The following SLC44A5 variants were observed in gnomAD, a reference collection of about 807,000 sequenced individuals.
The protein encoded by SLC44A5 is solute carrier family 44 member 5.
A neutral mutation model predicts 101.8 loss-of-function variants in SLC44A5; 57 were observed. The observed-to-expected ratio is 0.56, with a 90% CI of 0.45 to 0.70. The LOEUF (loss-of-function observed/expected upper bound fraction) is 0.70. Among genes scored for constraint, SLC44A5 ranks in the 30% least tolerant of loss-of-function variants. The pLI, the probability that SLC44A5 is intolerant of heterozygous loss-of-function variation, is 0.00. For synonymous variants in SLC44A5, 281 were observed against 290.9 expected, an observed-to-expected ratio of 0.97 and a Z score of 0.35; for missense variants, 737 against 853.1, an observed-to-expected ratio of 0.86 and a Z score of 1.70.
At chr1:75,517,321 G>A (rs915778348) in intron 2 of SLC44A5, among the ~76,000 whole-genome samples, 5 of 152,060 alleles carry the variant, frequency 3.3e-5, no homozygotes, top group Non-Finnish European at 7.4e-5. Flanking sequence ...GGGAGGGAGA[G>A]AGAGAGAAAG....
intron 1 of SLC44A5, among the ~76,000 whole-genome samples, chr1:75,597,596 A>G (rs546988635): frequency 6.6e-6 from 1 of 152,336 alleles, no homozygotes; most frequent in African/African-American, 2.4e-5. Flanking sequence ...TTACAAAAAC[A>G]GACACATAGA....
intron 2 of SLC44A5, among the ~76,000 whole-genome samples, chr1:75,430,509 T>C (rs578025632): frequency 6.6e-6 from 1 of 152,330 alleles, no homozygotes; most frequent in South Asian, 2.1e-4. Context: ...GAAAAATGCA[T>C]ATGTTTCCTT....
rs1052346427 is a variant in SLC44A5 at position 75,570,334 on chromosome 1, G to A, written c.-69-28818C>T. Among the ~76,000 whole-genome samples the A allele has an allele frequency of 2.6e-5, 4 of 152,192 alleles. No individual in the cohort carries two copies. The South Asian group carries it at 8.3e-4, about 31-fold the overall frequency. On this transcript the variant is annotated intron_variant, in intron 1 of 23. Transcript: ENST00000370859. ...TGAATTTGAAAGACAAAATACTGAT[G>A]GAAGATTTATGACTGAGAAGTGAAC...
At chr1:75,403,951 C>T (rs141877280) in intron 2 of SLC44A5, among the ~76,000 whole-genome samples, 3 of 151,840 alleles carry the variant, frequency 2.0e-5, no homozygotes, top group African/African-American at 7.2e-5. Flanking sequence ...AAGAACCTTG[C>T]AAAAAAGTTA....
intron 3 of SLC44A5, among the ~76,000 whole-genome samples, chr1:75,354,308 C>G (rs1416248929): frequency 2.0e-5 from 3 of 152,172 alleles, no homozygotes; most frequent in Non-Finnish European, 4.4e-5. Context: ...CCCCAAACTT[C>G]TTGATTGGTG....
the SLC44A5 span, among the ~76,000 whole-genome samples, chr1:75,698,621 T>C: frequency 6.6e-6 from 1 of 152,196 alleles, no homozygotes; most frequent in East Asian, 1.9e-4. Flanking sequence ...GGAACGCAGT[T>C]CCTCACCAGC....
chr1:75,236,548 G>A (rs17096504), intron 11 of SLC44A5, among the ~76,000 whole-genome samples: 13,052 of 151,872 alleles, frequency 0.086, 741 homozygotes, highest in African/African-American at 0.15. Flanking sequence ...CAATCATTAC[G>A]TGGAAGGGAT....
chr1:75,680,178 C>T, the SLC44A5 span, among the ~76,000 whole-genome samples: 1 of 152,014 alleles, frequency 6.6e-6, no homozygotes, highest in Non-Finnish European at 1.5e-5. Flanking sequence ...CTTTAACACC[C>T]CACTGTCAAC....
the SLC44A5 span, among the ~76,000 whole-genome samples, chr1:75,655,371 G>A: frequency 6.6e-6 from 1 of 152,198 alleles, no homozygotes; most frequent in Non-Finnish European, 1.5e-5. Flanking sequence ...GGAGTATTTA[G>A]GCTAGCCCTG....
the SLC44A5 span, among the ~76,000 whole-genome samples, chr1:75,699,599 G>GAAAAAAAAAAAAAAAAAAAAAAACA: frequency 9.8e-6 from 1 of 102,048 alleles, no homozygotes. Context: ...ACCAATTAAC[G>GAAAAAAAAAAAAAAAAAAAAAAACA]AAAAAAAAAA....
the SLC44A5 span, among the ~76,000 whole-genome samples, chr1:75,685,518 C>T: frequency 6.6e-6 from 1 of 152,194 alleles, no homozygotes; most frequent in Non-Finnish European, 1.5e-5. Context: ...GCACTTTTGA[C>T]CAGTTCCCAA....
chr1:75,586,258 ATAC>A (rs1482994835), intron 1 of SLC44A5, among the ~76,000 whole-genome samples: 1 of 152,016 alleles, frequency 6.6e-6, no homozygotes, highest in Non-Finnish European at 1.5e-5. Context: ...GACTGTAACT[ATAC>A]CACCAGCCTC....
intron 1 of SLC44A5, among the ~76,000 whole-genome samples, chr1:75,560,914 A>G (rs965216473): frequency 6.6e-6 from 1 of 152,224 alleles, no homozygotes; most frequent in East Asian, 1.9e-4. Flanking sequence ...TACATTAACT[A>G]TGTTGATAAC....
chr1:75,450,097 G>A (rs1665818431), intron 2 of SLC44A5, among the ~76,000 whole-genome samples: 1 of 152,080 alleles, frequency 6.6e-6, no homozygotes, highest in African/African-American at 2.4e-5. Flanking sequence ...AATCATGTAG[G>A]ACACCCCAGA....
At chr1:75,610,592 GCTGTACAGTACTGAT>G (rs992254066) in intron 1 of SLC44A5, among the ~76,000 whole-genome samples, 1 of 152,078 alleles carries the variant, frequency 6.6e-6, no homozygotes, top group Non-Finnish European at 1.5e-5. Flanking sequence ...GTAGTTTTCT[GCTGTACAGTACTGAT>G]CACATGGTCA....
intron 2 of SLC44A5, among the ~76,000 whole-genome samples, chr1:75,459,403 G>A (rs1198295318): frequency 6.6e-6 from 1 of 152,090 alleles, no homozygotes; most frequent in African/African-American, 2.4e-5. Context: ...TAGCTATGTA[G>A]CCACCAACAT....
At chr1:75,218,019 T>TA in intron 17 of SLC44A5, 59 bp from the exon 18 acceptor site, 1 of 1,113,568 alleles carries the variant, frequency 9.0e-7, no homozygotes, top group South Asian at 1.3e-5. Context: ...AAGGGGATGC[T>TA]AATTGAATAA....
At chr1:75,640,964 T>C in the SLC44A5 span, among the ~76,000 whole-genome samples, 2 of 152,052 alleles carry the variant, frequency 1.3e-5, no homozygotes, top group Non-Finnish European at 2.9e-5. Flanking sequence ...CAAGTGAAGA[T>C]GTGAGGAAGA....
At chr1:75,253,957 T>C (rs1478057024) in intron 6 of SLC44A5, among the ~76,000 whole-genome samples, 1 of 152,128 alleles carries the variant, frequency 6.6e-6, no homozygotes, top group East Asian at 1.9e-4. Context: ...TTCAAGTAAG[T>C]CTTAGAATCA....
Sources: allele counts gnomAD v4.1 joint callset (sites outside exome capture counted in the v4.1 genomes callset), GRCh38; gene constraint gnomAD v4.1.1; transcripts MANE v1.5; gene names NCBI Gene and HGNC (gene_info 2026-07-23, HGNC 2026-07-21).